MEI1: variants seen among roughly 807,000 people sequenced by gnomAD.
MEI1 encodes the protein meiosis inhibitor protein 1.
MEI1 carries 103 observed loss-of-function variants against 146.2 expected under a neutral mutation model. That is an observed-to-expected ratio of 0.70 (90% confidence interval 0.60 to 0.83). The LOEUF is 0.83. MEI1 is among the 40% of genes least tolerant of loss of function. The pLI, the probability that MEI1 is intolerant of heterozygous loss-of-function variation, is 0.00. For synonymous variants in MEI1, 652 were observed against 628.2 expected, an observed-to-expected ratio of 1.04 and a Z score of -0.57; for missense variants, 1,529 against 1,533.0, an observed-to-expected ratio of 1.00 and a Z score of 0.04.
Position 41,732,585 on chromosome 22 carries a change from C to T in MEI1, c.1313C>T (p.Ala438Val). Residue 438 changes from alanine to valine, a missense_variant, in exon 11 of 31, where the codon GCC becomes GTC. Around this residue, in one of 3 missense-constraint regions of MEI1, gnomAD observed 1,212 missense variants for 1,178.9 expected, o/e 1.03. Coordinates refer to ENST00000401548, the MANE Select transcript of MEI1 (RefSeq NM_152513.4). ...GAGGTGGCTGCTGAGGCCTTGAAGG[C>T]CACTTCTGCTTTTCTGAGGTGAGAG... ...VLEVAAEALK[A>V]TSAFLRKDHQ... is the part of the protein sequence containing the mutation. The T allele has an allele frequency of 6.2e-7, 1 of 1,613,276 alleles. No homozygotes were observed. The highest frequency in any genetic ancestry group is 8.5e-7 in the Non-Finnish European group (1 of 1,179,744).
intron 19 of MEI1, among the ~76,000 whole-genome samples, chr22:41,769,633 C>T (rs1340957674): frequency 6.6e-6 from 1 of 151,660 alleles, no homozygotes; most frequent in Non-Finnish European, 1.5e-5. Context: ...CCATTATGCC[C>T]GGCAAATTTT....
At chr22:41,770,638 G>C in intron 19 of MEI1, 48 bp from the exon 20 acceptor site, 1 of 1,563,818 alleles carries the variant, frequency 6.4e-7, no homozygotes, top group Non-Finnish European at 8.7e-7. Flanking sequence ...GGGGTCTCTT[G>C]GGTCCTCTGC....
chr22:41,754,414 T>TTTTTTC (rs148609596), intron 17 of MEI1, among the ~76,000 whole-genome samples: 3 of 151,550 alleles, frequency 2.0e-5, no homozygotes, highest in Non-Finnish European at 4.4e-5. Flanking sequence ...GTAGTGTTTC[T>TTTTTTC]TTTTTCTTTT....
At chr22:41,704,378 G>T (rs1285200953) in intron 2 of MEI1, among the ~76,000 whole-genome samples, 7 of 148,308 alleles carry the variant, frequency 4.7e-5, no homozygotes, top group South Asian at 2.2e-4. Flanking sequence ...AGCACATGGG[G>T]TTTTTTTTTG....
intron 3 of MEI1, among the ~76,000 whole-genome samples, 154 bp downstream of exon 3, chr22:41,705,708 CTT>C (rs10568131): frequency 0.18 from 23,957 of 136,796 alleles, 5,744 homozygotes; most frequent in African/African-American, 0.57. Context: ...TTGTTTTTTA[CTT>C]TTTTTTTTTT....
At chr22:41,732,209 C>T in intron 9 of MEI1, 36 bp from the exon 10 acceptor site, 1 of 1,529,522 alleles carries the variant, frequency 6.5e-7, no homozygotes, top group East Asian at 2.3e-5. Flanking sequence ...CAAGAGAGCA[C>T]TGATCCCTGG....
intron 14 of MEI1, 166 bp downstream of exon 14, chr22:41,746,192 A>G: frequency 1.8e-6 from 1 of 543,196 alleles, no homozygotes; most frequent in East Asian, 3.1e-5. Flanking sequence ...AATAAAATGT[A>G]GTGTTTGATT....
chr22:41,731,692 C>T (rs1427043833), intron 9 of MEI1, among the ~76,000 whole-genome samples: 1 of 152,176 alleles, frequency 6.6e-6, no homozygotes, highest in African/African-American at 2.4e-5. Flanking sequence ...AGAGTAGGCA[C>T]ATTCAGTCAT....
At chr22:41,716,418 C>T (rs2070179840) in intron 5 of MEI1, among the ~76,000 whole-genome samples, 1 of 128,934 alleles carries the variant, frequency 7.8e-6, no homozygotes, top group Non-Finnish European at 1.6e-5. Context: ...CTCTTGTTGC[C>T]CAGGCTGGAG....
intron 17 of MEI1, among the ~76,000 whole-genome samples, chr22:41,758,017 A>G (rs1692530638): frequency 6.6e-6 from 1 of 152,148 alleles, no homozygotes; most frequent in Non-Finnish European, 1.5e-5. Context: ...CTGAGGCAGG[A>G]GAATTGCTTG....
chr22:41,780,765 T>C (rs974000290), intron 22 of MEI1, among the ~76,000 whole-genome samples: 1 of 151,984 alleles, frequency 6.6e-6, no homozygotes, highest in Non-Finnish European at 1.5e-5. Context: ...TATTTTTTTG[T>C]GGAGAGACGG....
chr22:41,776,257 C>G lies in MEI1; in HGVS notation c.2700C>G (p.Ser900=), dbSNP rs761339232. 2.0e-5 allele frequency: 33 copies of G among 1,613,416 alleles called. No individual in the cohort carries two copies. Among genetic ancestry groups the G allele is most frequent in the Non-Finnish European group, 2.6e-5 (31 of 1,179,822 alleles). The stretch of plus-strand genomic sequence containing the variant: ...GTCTGCTAGTGGAGCATGGGGCATC[C>G]CCATCAGGAGGTCAGTCTGCAGGTG... ...LQRLLVEHGA[S]PSGASGNLPL... is the part of the protein sequence containing the mutation. Residue 900 remains serine, a synonymous_variant, in exon 21 of 31, where the codon TCC becomes TCG. Transcript: ENST00000401548.
chr22:41,760,544 T>C (rs6002464), intron 18 of MEI1, among the ~76,000 whole-genome samples: 15,415 of 151,988 alleles, frequency 0.1, 2,272 homozygotes, highest in African/African-American at 0.33. Context: ...AATAATTTAT[T>C]GGCTGGGTGT....
Position 41,743,197 on chromosome 22 carries a change from C to A in MEI1, c.1446+3C>A. ...CCTTGCTGAGCAGGAGGCCCCTGGT[C>A]AGTGTACTGCAGCCTGCTGCTTCCG... is the stretch of plus-strand genomic sequence containing the variant. On this transcript the variant is annotated splice_donor_region_variant and intron_variant, in intron 12 of 30. Coordinates refer to ENST00000401548, the MANE Select transcript of MEI1 (RefSeq NM_152513.4). 1.3e-6 allele frequency: 2 copies of A among 1,597,838 alleles called. No individual in the cohort carries two copies. The highest frequency in any genetic ancestry group is 1.1e-5 in the South Asian group (1 of 90,612).
In MEI1 at chr22:41,799,398, T is replaced by C; in HGVS notation, c.*99T>C. ...TGGATGACAGCTGAAGCTATTCATA[T>C]GGAGCCATATACTCTATTGTTGAAA... On this transcript the variant is annotated 3_prime_UTR_variant, in exon 31 of 31. Coordinates refer to ENST00000401548, the MANE Select transcript of MEI1 (RefSeq NM_152513.4). The C allele has an allele frequency of 4.4e-6, 5 of 1,128,558 alleles. No individual in the cohort carries two copies. In the South Asian group the frequency reaches 6.4e-5, roughly 14 times the overall value. 69.9% of individuals were successfully genotyped at this position (1,128,558 alleles called of 1,614,324 possible). A position where few individuals can be genotyped will look rare whatever the true frequency, so the allele number is the denominator to read the frequency against.
intron 21 of MEI1, among the ~76,000 whole-genome samples, chr22:41,776,665 C>G (rs753567367): frequency 1.3e-5 from 2 of 152,078 alleles, no homozygotes; most frequent in Non-Finnish European, 2.9e-5. Context: ...GTTGGAAGCT[C>G]CTAGTGAGAT....
intron 3 of MEI1, among the ~76,000 whole-genome samples, 154 bp downstream of exon 3, chr22:41,705,708 CTTTT>C (rs10568131): frequency 1.5e-5 from 2 of 137,028 alleles, no homozygotes; most frequent in Non-Finnish European, 1.6e-5. Flanking sequence ...TTGTTTTTTA[CTTTT>C]TTTTTTTTTT....
intron 9 of MEI1, among the ~76,000 whole-genome samples, 165 bp from the exon 10 acceptor site, chr22:41,732,080 C>T (rs1230517849): frequency 6.6e-6 from 1 of 152,036 alleles, no homozygotes; most frequent in African/African-American, 2.4e-5. Context: ...GGCCCGGCCT[C>T]AAAGATCTCA....
At chr22:41,700,379 G>A (rs2068610310) in intron 1 of MEI1, among the ~76,000 whole-genome samples, 1 of 152,242 alleles carries the variant, frequency 6.6e-6, no homozygotes, top group South Asian at 2.1e-4. Flanking sequence ...CACCCAGGCC[G>A]GAGTGCAATG....
Sources: allele counts gnomAD v4.1 joint callset (sites outside exome capture counted in the v4.1 genomes callset), GRCh38; gene constraint gnomAD v4.1.1; regional missense constraint gnomAD v4.1.1; transcripts MANE v1.5; gene names NCBI Gene and HGNC (gene_info 2026-07-23, HGNC 2026-07-21).